Variants in PREP observed in about 807,000 individuals in gnomAD.
The protein encoded by PREP is prolyl endopeptidase.
PREP carries 29 observed loss-of-function variants against 87.6 expected under a neutral mutation model. That is an observed-to-expected ratio of 0.33 (90% confidence interval 0.25 to 0.45). PREP has a LOEUF of 0.45. PREP is among the 20% of genes least tolerant of loss of function. The pLI, the probability that PREP is intolerant of heterozygous loss-of-function variation, is 1.00. For synonymous variants in PREP, 337 were observed against 328.6 expected (o/e 1.03, Z -0.28); for missense variants, 695 against 886.5 (o/e 0.78, Z 2.74).
intron 10 of PREP, chr6:105,302,871 C>G (rs1770570859): frequency 3.3e-6 from 1 of 306,370 alleles, no homozygotes; most frequent in Non-Finnish European, 6.4e-6. Flanking sequence ...TAAATACTCT[C>G]TTTTTGACCC....
intron 2 of PREP, among the ~76,000 whole-genome samples, chr6:105,381,254 C>T (rs749032438): frequency 1.1e-4 from 16 of 152,182 alleles, no homozygotes; most frequent in African/African-American, 2.4e-4. Context: ...CTTTATAACT[C>T]GGGCAAATCC....
At chr6:105,397,695 A>T (rs1773321547) in intron 2 of PREP, among the ~76,000 whole-genome samples, 158 bp downstream of exon 2, 1 of 152,192 alleles carries the variant, frequency 6.6e-6, no homozygotes, top group Non-Finnish European at 1.5e-5. Context: ...TTTTCCCATA[A>T]ATTATTTGAC....
At chr6:105,305,562 G>A (rs892043295) in intron 10 of PREP, among the ~76,000 whole-genome samples, 4 of 152,256 alleles carry the variant, frequency 2.6e-5, no homozygotes, top group African/African-American at 9.6e-5. Flanking sequence ...GGGCAGGGGG[G>A]ACATGAAGGC....
chr6:105,288,851 A>G lies in PREP; in HGVS notation c.1361T>C (p.Ile454Thr). ...CAATTTTATGCCTTTTTTATGCACA[A>G]TGAACATTGGAATCTTCGTACCATC... ...SKDGTKIPMF[I>T]VHKKGIKLDG... Residue 454 changes from isoleucine to threonine, a missense_variant, in exon 11 of 15, where the codon ATT becomes ACT. By Grantham distance (89) the Ile-to-Thr change is moderately conservative. Coordinates refer to ENST00000652536, the MANE Select transcript of PREP (RefSeq NM_002726.5). The G allele has an allele frequency of 1.2e-6, 2 of 1,613,636 alleles. No homozygotes were observed. The highest frequency in any genetic ancestry group is 1.7e-6 in the Non-Finnish European group (2 of 1,179,508).
chr6:105,397,866 C>CT lies in PREP; in HGVS notation c.106dup (p.Ser36LysfsTer2), dbSNP rs1773324592. Reference sequence around the variant, plus strand: ...AAACCAAATTACCTTAGTCTGTTCACTGTCGGGGTCTTCAAGCCAGGCGTA... The same window carrying CT: ...AAACCAAATTACCTTAGTCTGTTCACTTGTCGGGGTCTTCAAGCCAGGCGTA... On this transcript the variant is annotated frameshift_variant, in exon 2 of 15. Transcript: ENST00000652536. LOFTEE classifies it high-confidence loss of function. 6.2e-7 allele frequency: 1 copy of CT among 1,610,544 alleles called. No individual in the cohort carries two copies. Among genetic ancestry groups the CT allele is most frequent in the African/African-American group, 1.3e-5 (1 of 74,856 alleles).
At chr6:105,360,796 A>C (rs1772226071) in intron 6 of PREP, among the ~76,000 whole-genome samples, 1 of 152,184 alleles carries the variant, frequency 6.6e-6, no homozygotes, top group African/African-American at 2.4e-5. Flanking sequence ...GTCCCAAATA[A>C]ATGTTTTTAC....
intron 10 of PREP, among the ~76,000 whole-genome samples, chr6:105,303,848 A>G (rs1770597696): frequency 6.6e-6 from 1 of 152,212 alleles, no homozygotes; most frequent in African/African-American, 2.4e-5. Flanking sequence ...TTAAAAACAA[A>G]TGTTAAAATA....
In PREP at chr6:105,278,190, A is replaced by ATGTC; in HGVS notation, c.2083_2086dup (p.Met696ArgfsTer25). On this transcript the variant is annotated frameshift_variant, in exon 15 of 15. Transcript: ENST00000652536. LOFTEE classifies it high-confidence loss of function. The surrounding 1 kb of genome is among the most constrained non-coding windows in gnomAD (Gnocchi z 4.2). ...CAGGCACCGCGCGATGAACGCAAAC[A>ATGTC]TGTCTGAGACTTCCTCTATCACTTT... 2 of 1,614,120 alleles carry ATGTC rather than the reference A, an allele frequency of 1.2e-6. No individual in the cohort carries two copies. The highest frequency in any genetic ancestry group is 1.7e-6 in the Non-Finnish European group (2 of 1,179,968).
intron 7 of PREP, among the ~76,000 whole-genome samples, chr6:105,342,613 C>T (rs554558892): frequency 3.3e-5 from 5 of 152,222 alleles, no homozygotes; most frequent in Non-Finnish European, 4.4e-5. Context: ...GCAGATGACA[C>T]GATTGTATAT....
chr6:105,279,502 T>C (rs1770025839), intron 14 of PREP, among the ~76,000 whole-genome samples: 1 of 152,250 alleles, frequency 6.6e-6, no homozygotes, highest in African/African-American at 2.4e-5. Flanking sequence ...GCAATATTTA[T>C]ACATTATCTG....
chr6:105,362,868 G>A (rs907600393), intron 6 of PREP, among the ~76,000 whole-genome samples: 2 of 152,130 alleles, frequency 1.3e-5, no homozygotes, highest in African/African-American at 4.8e-5. Flanking sequence ...AAGGGGCAGA[G>A]GAGGCAGGGA....
intron 7 of PREP, among the ~76,000 whole-genome samples, chr6:105,349,128 T>C (rs1214875101): frequency 6.6e-6 from 1 of 152,186 alleles, no homozygotes; most frequent in Middle Eastern, 3.2e-3. Flanking sequence ...TCATGGAAAT[T>C]ACCTGTTCAG....
chr6:105,281,064 T>C (rs1192509045), intron 14 of PREP: 1 of 152,250 alleles, frequency 6.6e-6, no homozygotes, highest in Admixed American at 6.5e-5. Context: ...GCAGTCTGGG[T>C]TGGCTCAGCT....
chr6:105,340,791 G>A (rs921688411), intron 7 of PREP, among the ~76,000 whole-genome samples: 6 of 152,184 alleles, frequency 3.9e-5, no homozygotes, highest in Admixed American at 3.3e-4. Context: ...AAGAGACAAA[G>A]AAGGCCATTA....
intron 2 of PREP, among the ~76,000 whole-genome samples, chr6:105,379,897 A>G (rs1217753737): frequency 6.6e-6 from 1 of 152,230 alleles, no homozygotes. Flanking sequence ...ACACAGGGTA[A>G]TCAGCAGAGC....
In PREP at chr6:105,278,456, C is replaced by T; in HGVS notation, c.1839-18G>A. 1 of 1,597,438 alleles carries T rather than the reference C, an allele frequency of 6.3e-7. No homozygotes were observed. The highest frequency in any genetic ancestry group is 8.6e-7 in the Non-Finnish European group (1 of 1,168,134). On this transcript the variant is annotated intron_variant, in intron 14 of 14. Coordinates refer to ENST00000652536, the MANE Select transcript of PREP (RefSeq NM_002726.5). This position sits in a 1 kb window ranked among gnomAD's most constrained non-coding sequence, Gnocchi z 4.2. ...GAGAGTATCTGGAAGGCAAAAACAC[C>T]TTTGTGAGGCTGGAGAGCAACAGTA...
At chr6:105,359,392 A>G (rs566136115) in intron 6 of PREP, among the ~76,000 whole-genome samples, 1 of 152,310 alleles carries the variant, frequency 6.6e-6, no homozygotes, top group East Asian at 1.9e-4. Context: ...GGCTTTTGGG[A>G]AGTGATGACT....
At chr6:105,328,169 A>G (rs563420101) in intron 9 of PREP, among the ~76,000 whole-genome samples, 1 of 152,320 alleles carries the variant, frequency 6.6e-6, no homozygotes, top group African/African-American at 2.4e-5. Context: ...ATTTTTTGTC[A>G]GATGTAGCTA....
chr6:105,352,655 C>T (rs1296524353), intron 7 of PREP, among the ~76,000 whole-genome samples: 2 of 152,142 alleles, frequency 1.3e-5, no homozygotes, highest in Non-Finnish European at 2.9e-5. Flanking sequence ...CCCGGCTGCA[C>T]CATTAAATCT....
Sources: allele counts gnomAD v4.1 joint callset (sites outside exome capture counted in the v4.1 genomes callset), GRCh38; gene constraint gnomAD v4.1.1; non-coding constraint Gnocchi (gnomAD v3.1); transcripts MANE v1.5; gene names NCBI Gene and HGNC (gene_info 2026-07-23, HGNC 2026-07-21).